Variants in XIRP2 observed in about 807,000 individuals in gnomAD.
The protein encoded by XIRP2 is xin actin binding repeat containing 2, also known as xin actin-binding repeat-containing protein 2.
In XIRP2, 236 loss-of-function variants were observed where a neutral mutation model predicts 277.0. The ratio of observed to expected loss-of-function variants is 0.85; its 90% CI spans 0.77 to 0.95. XIRP2 has a LOEUF of 0.95. Among genes scored for constraint, XIRP2 ranks in the 40% least tolerant of loss-of-function variants. The pLI, the probability that XIRP2 is intolerant of heterozygous loss-of-function variation, is 0.00. For synonymous variants in XIRP2, 1,490 were observed against 1,416.5 expected (o/e 1.05, Z -1.17); for missense variants, 4,640 against 4,157.5 (o/e 1.12, Z -3.19).
chr2:167,152,075 T>TCA (rs1168878791), intron 3 of XIRP2, among the ~76,000 whole-genome samples: 15 of 152,234 alleles, frequency 9.9e-5, no homozygotes, highest in African/African-American at 3.6e-4. Flanking sequence ...GTGAGAGAAA[T>TCA]GTCCCAACTG....
chr2:166,939,190 T>C (rs1574096772), intron 2 of XIRP2, among the ~76,000 whole-genome samples: 2 of 152,210 alleles, frequency 1.3e-5, no homozygotes, highest in African/African-American at 4.8e-5. Context: ...CTAGCATCGA[T>C]GGTCTTTACA....
At chr2:167,028,302 C>G (rs1413292083) in intron 2 of XIRP2, among the ~76,000 whole-genome samples, 1 of 151,988 alleles carries the variant, frequency 6.6e-6, no homozygotes, top group Non-Finnish European at 1.5e-5. Context: ...TGGTTATAAT[C>G]ACTAAAATGT....
intron 2 of XIRP2, among the ~76,000 whole-genome samples, chr2:166,939,700 A>AAAAAC (rs1558923718): frequency 2.7e-5 from 4 of 146,620 alleles, no homozygotes; most frequent in East Asian, 2.0e-4. Context: ...AAAAAAAAAC[A>AAAAAC]AAAAACAAAA....
chr2:166,892,892 G>A (rs28613478), intron 1 of XIRP2, among the ~76,000 whole-genome samples: 4 of 147,788 alleles, frequency 2.7e-5, no homozygotes, highest in Non-Finnish European at 5.9e-5. Context: ...ATGTATATAT[G>A]TGTATATATG....
At chr2:167,128,955 A>G (rs945558007) in intron 2 of XIRP2, among the ~76,000 whole-genome samples, 9 of 152,220 alleles carry the variant, frequency 5.9e-5, no homozygotes, top group Non-Finnish European at 1.0e-4. Context: ...AAAGATGAGT[A>G]TAGAATATAA....
chr2:166,997,831 G>C (rs1687264223), intron 2 of XIRP2, among the ~76,000 whole-genome samples: 1 of 151,886 alleles, frequency 6.6e-6, no homozygotes, highest in African/African-American at 2.4e-5. Context: ...CTTGAACCCG[G>C]GAGGCAGAGC....
intron 5 of XIRP2, among the ~76,000 whole-genome samples, chr2:167,229,042 C>T (rs1379566846): frequency 6.6e-6 from 1 of 152,060 alleles, no homozygotes; most frequent in Non-Finnish European, 1.5e-5. Flanking sequence ...GAAGTAGCAC[C>T]TAGACCCTTT....
intron 5 of XIRP2, among the ~76,000 whole-genome samples, chr2:167,236,988 G>T (rs896123592): frequency 6.6e-6 from 1 of 152,090 alleles, no homozygotes; most frequent in Non-Finnish European, 1.5e-5. Context: ...AAAAGCTTGG[G>T]ATATTTTAAG....
rs569702712 is a variant in XIRP2 at position 166,939,945 on chromosome 2, G to A, written c.408+36055G>A. On this transcript the variant is annotated intron_variant, in intron 2 of 10. Coordinates refer to ENST00000409195, the MANE Select transcript of XIRP2 (RefSeq NM_152381.6). ...GTGTCTTGGAGTTGCTTTTCTTGAGGAGAATCTTTGTGGTGTTCTCTGTAT... is the reference window on the plus strand; with the variant it reads ...GTGTCTTGGAGTTGCTTTTCTTGAGAAGAATCTTTGTGGTGTTCTCTGTAT... 2.0e-5 allele frequency among the ~76,000 whole-genome samples: 3 copies of A among 152,188 alleles called. No homozygotes were observed. The South Asian group carries it at 6.2e-4, about 32-fold the overall frequency.
chr2:166,917,612 A>ATAT (rs1456388783), intron 2 of XIRP2, among the ~76,000 whole-genome samples: 5 of 152,048 alleles, frequency 3.3e-5, no homozygotes, highest in African/African-American at 4.8e-5. Flanking sequence ...TGCAGTCACA[A>ATAT]TATGACACTG....
Position 167,231,784 on chromosome 2 carries a change from A to G in XIRP2, c.859-8071A>G, listed in dbSNP as rs773849044. 7.2e-5 allele frequency among the ~76,000 whole-genome samples: 11 copies of G among 151,944 alleles called. 1 individual carries two copies. The South Asian group carries it at 1.7e-3, about 23-fold the overall frequency. On this transcript the variant is annotated intron_variant, in intron 5 of 10. Coordinates refer to ENST00000409195, the MANE Select transcript of XIRP2 (RefSeq NM_152381.6). Reference sequence around the variant, plus strand: ...GAGAAGCAGGGACCATAGACAATCAATTTTGATAATGGCTGGTGGCAGGAG... The same window carrying G: ...GAGAAGCAGGGACCATAGACAATCAGTTTTGATAATGGCTGGTGGCAGGAG...
intron 5 of XIRP2, among the ~76,000 whole-genome samples, chr2:167,237,409 A>C (rs545116157): frequency 6.6e-6 from 1 of 152,096 alleles, no homozygotes; most frequent in East Asian, 1.9e-4. Context: ...TCAAATTTCC[A>C]TGGGTACCAG....
chr2:166,969,378 T>G (rs1288481685), intron 2 of XIRP2, among the ~76,000 whole-genome samples: 1 of 151,968 alleles, frequency 6.6e-6, no homozygotes, highest in Non-Finnish European at 1.5e-5. Flanking sequence ...GTTAATGAAG[T>G]TCCAGATTTC....
intron 2 of XIRP2, among the ~76,000 whole-genome samples, chr2:167,004,657 C>T (rs921515189): frequency 6.6e-6 from 1 of 151,752 alleles, no homozygotes; most frequent in Non-Finnish European, 1.5e-5. Context: ...ATTTCAAGTA[C>T]AAATGTATAG....
chr2:167,157,480 C>T (rs945413506), intron 3 of XIRP2, among the ~76,000 whole-genome samples: 5 of 152,046 alleles, frequency 3.3e-5, no homozygotes, highest in South Asian at 2.1e-4. Context: ...AAGGGAGAAG[C>T]GTGTGCATTT....
At chr2:166,946,680 G>A (rs954615502) in intron 2 of XIRP2, among the ~76,000 whole-genome samples, 12 of 151,988 alleles carry the variant, frequency 7.9e-5, no homozygotes, top group Admixed American at 6.6e-4. Context: ...GATTTCCTCA[G>A]AAGGGTAAAA....
rs201802020 is a variant in XIRP2, at chr2:166,899,967, A to AT, written c.-18-3488dup. Among the ~76,000 whole-genome samples, 368 of 150,178 alleles carry AT rather than the reference A, an allele frequency of 2.5e-3. 6 individuals carry two copies. The East Asian group carries it at 0.033, about 13-fold the overall frequency. Reference sequence around the variant, plus strand: ...AAAACTGGGAGTAGCGACTACCAGGATTTTTTTTTTAATTTTGTTTCCTGA... The same window carrying AT: ...AAAACTGGGAGTAGCGACTACCAGGATTTTTTTTTTTAATTTTGTTTCCTGA... On this transcript the variant is annotated intron_variant, in intron 1 of 10. Coordinates refer to ENST00000409195, the MANE Select transcript of XIRP2 (RefSeq NM_152381.6).
chr2:167,193,314 C>T (rs1395183670), intron 3 of XIRP2, among the ~76,000 whole-genome samples: 2 of 152,174 alleles, frequency 1.3e-5, no homozygotes, highest in African/African-American at 2.4e-5. Flanking sequence ...CCAGTCACAG[C>T]TTCTTGACTT....
chr2:167,056,671 A>G (rs1689044566), intron 2 of XIRP2, among the ~76,000 whole-genome samples: 1 of 152,214 alleles, frequency 6.6e-6, no homozygotes, highest in Non-Finnish European at 1.5e-5. Context: ...TTATAAAATA[A>G]GAACAATGCT....
Sources: allele counts gnomAD v4.1 joint callset (sites outside exome capture counted in the v4.1 genomes callset), GRCh38; gene constraint gnomAD v4.1.1; transcripts MANE v1.5; gene names NCBI Gene and HGNC (gene_info 2026-07-23, HGNC 2026-07-21).